The following CDH13 variants were observed in gnomAD, a reference collection of about 807,000 sequenced individuals.
CDH13 encodes cadherin 13, also known as cadherin-13.
Under a neutral mutation model 63.8 loss-of-function variants are expected in CDH13, and 24 were observed. The ratio of observed to expected loss-of-function variants is 0.38; its 90% CI spans 0.27 to 0.53. The LOEUF (loss-of-function observed/expected upper bound fraction) is 0.53, where lower values mean the gene tolerates loss of function less well. CDH13 is among the 20% of genes least tolerant of loss of function. CDH13 has a pLI of 0.85. For synonymous variants in CDH13, 503 were observed against 355.3 expected (o/e 1.42, Z -4.67); for missense variants, 1,049 against 903.1 (o/e 1.16, Z -2.07).
chr16:83,066,797 C>T (rs900869641), intron 3 of CDH13, among the ~76,000 whole-genome samples: 2 of 152,200 alleles, frequency 1.3e-5, no homozygotes, highest in African/African-American at 4.8e-5. Flanking sequence ...ATGGTCAGCA[C>T]ATTTTCTGCT....
At chr16:83,523,993 A>G (rs183598427) in intron 7 of CDH13, among the ~76,000 whole-genome samples, 2 of 152,296 alleles carry the variant, frequency 1.3e-5, no homozygotes, top group Non-Finnish European at 2.9e-5. Context: ...GCACCTCTCA[A>G]CCAAGATTCT....
In CDH13 at chr16:83,546,803, G is replaced by A. The variant is rs1191039322; in HGVS notation, c.961-55651G>A. ...ATTGTTACTCAGTTGATGTCAGTTG[G>A]TGCCACTAGACAGAGGGCACTGCAG... On this transcript the variant is annotated intron_variant, in intron 7 of 13. Coordinates refer to ENST00000567109, the MANE Select transcript of CDH13 (RefSeq NM_001257.5). Among the ~76,000 whole-genome samples, 5 of 152,096 alleles carry A rather than the reference G, an allele frequency of 3.3e-5. No individual in the cohort carries two copies. In the East Asian group the frequency reaches 9.6e-4, roughly 29 times the overall value.
rs143465251 is a variant in CDH13, at chr16:83,272,541, T to G, written c.636+55044T>G. ...TTCCATTTATGGATGTCCTTATAGA[T>G]TTATAGATATCCAGCGTTGCAGTCC... On this transcript the variant is annotated intron_variant, in intron 5 of 13. Transcript: ENST00000567109. Among the ~76,000 whole-genome samples the G allele has an allele frequency of 2.0e-5, 3 of 152,326 alleles. No individual in the cohort carries two copies. The East Asian group carries it at 5.8e-4, about 29-fold the overall frequency.
chr16:82,681,839 C>T (rs975927330), intron 1 of CDH13, among the ~76,000 whole-genome samples: 3 of 152,258 alleles, frequency 2.0e-5, no homozygotes. Context: ...CACCAACTTC[C>T]CTGCACTCCA....
chr16:82,713,500 T>C (rs1043921213), intron 1 of CDH13, among the ~76,000 whole-genome samples: 1 of 152,162 alleles, frequency 6.6e-6, no homozygotes, highest in African/African-American at 2.4e-5. Flanking sequence ...CTGTGCTTCC[T>C]CTGCCAACAC....
At chr16:82,890,777 G>T (rs973535349) in intron 2 of CDH13, among the ~76,000 whole-genome samples, 1 of 151,080 alleles carries the variant, frequency 6.6e-6, no homozygotes, top group Non-Finnish European at 1.5e-5. Context: ...TCAGCCTCCC[G>T]AATAGCTGAG....
chr16:83,393,521 G>T lies in CDH13; in HGVS notation c.781+48515G>T, dbSNP rs530378792. On this transcript the variant is annotated intron_variant, in intron 6 of 13. Transcript: ENST00000567109. ...TCATCTTTACTGACGTGCCATGGCTGCCAGGAACCAGGGCAGCTGCTAAGC... is the reference window on the plus strand; with the variant it reads ...TCATCTTTACTGACGTGCCATGGCTTCCAGGAACCAGGGCAGCTGCTAAGC... Among the ~76,000 whole-genome samples the T allele has an allele frequency of 2.0e-5, 3 of 152,312 alleles. No homozygotes were observed. In the South Asian group the frequency reaches 6.2e-4, roughly 32 times the overall value.
chr16:83,331,884 T>C (rs2090487908), intron 5 of CDH13, among the ~76,000 whole-genome samples: 1 of 152,192 alleles, frequency 6.6e-6, no homozygotes, highest in African/African-American at 2.4e-5. Flanking sequence ...TAGTTTTTTC[T>C]ATCTTTAAGC....
At position 83,164,854 on chromosome 16, in the gene CDH13, C is replaced by A. The variant is rs144241830; in HGVS notation, c.483+39353C>A. 9.0e-3 allele frequency among the ~76,000 whole-genome samples: 1,359 copies of A among 151,384 alleles called. 19 individuals carry two copies. Among genetic ancestry groups the A allele is most frequent in the South Asian group, 0.014 (66 of 4,790 alleles). On this transcript the variant is annotated intron_variant, in intron 4 of 13. Coordinates refer to ENST00000567109, the MANE Select transcript of CDH13 (RefSeq NM_001257.5). ...GTGTATATATATATATGCATGCTGGCTAGTGTCACGCCCTCACAAAGTGGA... is the reference window on the plus strand; with the variant it reads ...GTGTATATATATATATGCATGCTGGATAGTGTCACGCCCTCACAAAGTGGA...
At chr16:82,884,095 A>G (rs2040800531) in intron 2 of CDH13, 1 of 444,146 alleles carries the variant, frequency 2.3e-6, no homozygotes, top group African/African-American at 2.0e-5. Flanking sequence ...GATGTTCATT[A>G]GGTGAATAAA....
At chr16:83,753,482 G>T (rs757543410) in intron 11 of CDH13, among the ~76,000 whole-genome samples, 1 of 152,074 alleles carries the variant, frequency 6.6e-6, no homozygotes, top group Non-Finnish European at 1.5e-5. Flanking sequence ...GTAGGTCAAG[G>T]CTGCAGTGAG....
At chr16:83,204,595 G>A (rs1011451332) in intron 4 of CDH13, among the ~76,000 whole-genome samples, 2 of 152,256 alleles carry the variant, frequency 1.3e-5, no homozygotes, top group East Asian at 1.9e-4. Context: ...ATAAGTCCAC[G>A]TTGTCCGTGA....
intron 4 of CDH13, among the ~76,000 whole-genome samples, chr16:83,161,840 C>T (rs181638168): frequency 2.6e-5 from 4 of 152,264 alleles, no homozygotes; most frequent in East Asian, 1.9e-4. Context: ...AAGCCTGAGA[C>T]GCTATGTCAA....
At chr16:83,207,766 A>T (rs1170875750) in intron 4 of CDH13, among the ~76,000 whole-genome samples, 81 of 129,808 alleles carry the variant, frequency 6.2e-4, no homozygotes, top group African/African-American at 3.3e-3. Flanking sequence ...TCTCCTTAAA[A>T]AAAAAAAAAA....
At chr16:83,160,770 C>T (rs2037413258) in intron 4 of CDH13, among the ~76,000 whole-genome samples, 1 of 152,186 alleles carries the variant, frequency 6.6e-6, no homozygotes, top group Non-Finnish European at 1.5e-5. Context: ...GCTCGGAAAC[C>T]TCCTGCCTGC....
chr16:83,221,135 C>T (rs1309737195), intron 5 of CDH13, among the ~76,000 whole-genome samples: 1 of 152,224 alleles, frequency 6.6e-6, no homozygotes, highest in Non-Finnish European at 1.5e-5. Context: ...CACTAAGAAA[C>T]ACTCTTCCTA....
chr16:82,879,027 A>C (rs746096461), intron 2 of CDH13, among the ~76,000 whole-genome samples: 28 of 151,970 alleles, frequency 1.8e-4, no homozygotes, highest in Non-Finnish European at 2.2e-4. Flanking sequence ...TACATCCATG[A>C]TGTATATTTC....
At chr16:83,074,146 CGA>C (rs905626255) in intron 3 of CDH13, among the ~76,000 whole-genome samples, 3 of 152,122 alleles carry the variant, frequency 2.0e-5, no homozygotes, top group Non-Finnish European at 4.4e-5. Flanking sequence ...CCTCCCAGAC[CGA>C]CAAACATCTG....
intron 1 of CDH13, among the ~76,000 whole-genome samples, chr16:82,683,069 C>T (rs1914714765): frequency 1.3e-5 from 2 of 152,202 alleles, no homozygotes; most frequent in South Asian, 2.1e-4. Context: ...GCTTAGTGTT[C>T]TCAGCTTAAA....
Sources: allele counts gnomAD v4.1 joint callset (sites outside exome capture counted in the v4.1 genomes callset), GRCh38; gene constraint gnomAD v4.1.1; transcripts MANE v1.5; gene names NCBI Gene and HGNC (gene_info 2026-07-23, HGNC 2026-07-21).